PSMG2: variants seen among roughly 807,000 people sequenced by gnomAD.
PSMG2 encodes the protein proteasome assembly chaperone 2.
PSMG2 carries 21 observed loss-of-function variants against 31.5 expected under a neutral mutation model. The observed-to-expected ratio is 0.67, with a 90% confidence interval of 0.47 to 0.96. PSMG2 has a LOEUF of 0.96. PSMG2 is among the 40% of genes least tolerant of loss of function. PSMG2 has a pLI of 0.00. For missense variants in PSMG2, 318 were observed against 321.2 expected (o/e 0.99, Z 0.08); for synonymous variants, 120 against 110.4 (o/e 1.09, Z -0.54).
At chr18:12,720,476 G>GT (rs765617823) in intron 4 of PSMG2, 34 bp from the exon 5 acceptor site, 1 of 1,505,426 alleles carries the variant, frequency 6.6e-7, no homozygotes, top group South Asian at 1.3e-5. Context: ...TTGCTTTAGA[G>GT]TTTTTAAAAA....
At chr18:12,691,400 G>A (rs1459891486) in intron 1 of PSMG2, 11 of 1,607,102 alleles carry the variant, frequency 6.8e-6, no homozygotes, top group South Asian at 1.1e-5. Flanking sequence ...TGTGAGGGTC[G>A]AATTTGCAAA....
At chr18:12,706,137 C>T (rs2145132929) in intron 1 of PSMG2, among the ~76,000 whole-genome samples, 1 of 152,328 alleles carries the variant, frequency 6.6e-6, no homozygotes, top group East Asian at 1.9e-4. Flanking sequence ...ATGATGCTTT[C>T]AGTACTAATA....
intron 1 of PSMG2, chr18:12,673,347 CT>C: frequency 6.3e-7 from 1 of 1,591,432 alleles, no homozygotes; most frequent in South Asian, 1.1e-5. Flanking sequence ...AGGTATAAAT[CT>C]TATATAAATA....
At position 12,671,291 on chromosome 18, in the gene PSMG2, G is replaced by A. The variant is rs146695180; in HGVS notation, c.-37+12518G>A. On this transcript the variant is annotated intron_variant, in intron 1 of 6. Transcript: ENST00000585331. ...TTTTAGATTTTAATTTTCGAAAAAC[G>A]AAATCATTTTATTTGTAGGGGTGAA... The A allele has an allele frequency of 4.0e-3, 615 of 152,104 alleles. 5 individuals are homozygous for A. The highest frequency in any genetic ancestry group is 0.014 in the African/African-American group (587 of 41,504). 9.4% of individuals were successfully genotyped at this position (152,104 alleles called of 1,614,324 possible). A position where few individuals can be genotyped will look rare whatever the true frequency, so the allele number is the denominator to read the frequency against.
At position 12,720,650 on chromosome 18, in the gene PSMG2, G is replaced by C; in HGVS notation, c.548G>C (p.Gly183Ala). ...DDSEFCIRIP[G>A]GGITKTLYDE... ...TCCGAGTTTTGTATCCGCATTCCGG[G>C]AGGAGGTATCACAAAAACACTCTAT... Residue 183 changes from glycine (G) to alanine (A), a missense_variant, in exon 5 of 7, where the codon GGA becomes GCA. Physicochemically the swap from Gly to Ala is moderately conservative, Grantham distance 60. Coordinates refer to ENST00000317615, the MANE Select transcript of PSMG2 (RefSeq NM_020232.5). 1 of 1,612,984 alleles carries C rather than the reference G, an allele frequency of 6.2e-7. No homozygotes were observed.
At chr18:12,673,100 T>G in intron 1 of PSMG2, 5 of 1,035,964 alleles carry the variant, frequency 4.8e-6, no homozygotes, top group Non-Finnish European at 5.9e-6. Flanking sequence ...TACTGATAAC[T>G]GTAAACAAAG....
At chr18:12,705,066 CT>C (rs1013314195) in intron 1 of PSMG2, among the ~76,000 whole-genome samples, 244 of 144,252 alleles carry the variant, frequency 1.7e-3, no homozygotes, top group East Asian at 5.0e-3. Flanking sequence ...TAATATTGAA[CT>C]TTTTTTTTTT....
intron 2 of PSMG2, among the ~76,000 whole-genome samples, chr18:12,712,457 T>C (rs930441699): frequency 2.0e-5 from 3 of 152,214 alleles, no homozygotes; most frequent in African/African-American, 4.8e-5. Context: ...GAAAAATAAT[T>C]TTTTATATTT....
chr18:12,705,576 AGTGT>A lies in PSMG2; in HGVS notation c.58-949_58-946del, dbSNP rs548642491. ...GAGAGAGAGAGAGAGAGAGAGAGAG[AGTGT>A]GTGTGTGTGTGTGTGTGTGTGTGTT... On this transcript the variant is annotated intron_variant, in intron 1 of 6. Transcript: ENST00000317615. 4.0e-3 allele frequency among the ~76,000 whole-genome samples: 524 copies of A among 129,770 alleles called. 1 individual carries two copies. The highest frequency in any genetic ancestry group is 7.5e-3 in the Middle Eastern group (2 of 268). 85.1% of individuals were successfully genotyped at this position (129,770 alleles called of 152,430 possible).
At chr18:12,691,491 G>A in intron 1 of PSMG2, 1 of 1,574,946 alleles carries the variant, frequency 6.3e-7, no homozygotes, top group South Asian at 1.2e-5. Flanking sequence ...AAGCAAGCTT[G>A]AAATTGAAAA....
chr18:12,697,599 A>G (rs900951126), intron 1 of PSMG2, among the ~76,000 whole-genome samples: 1 of 152,256 alleles, frequency 6.6e-6, no homozygotes, highest in African/African-American at 2.4e-5. Flanking sequence ...AACTTTTCAG[A>G]AGACTGGCAA....
chr18:12,720,626 C>G lies in PSMG2; in HGVS notation c.524C>G (p.Ser175Cys), dbSNP rs1415933444. The G allele has an allele frequency of 6.2e-7, 1 of 1,613,938 alleles. No homozygotes were observed. The highest frequency in any genetic ancestry group is 1.7e-5 in the Admixed American group (1 of 59,960). The stretch of plus-strand genomic sequence containing the variant: ...CGGTGCATTCCTGAAATAGATGATT[C>G]CGAGTTTTGTATCCGCATTCCGGGA... ...KSRCIPEIDD[S>C]EFCIRIPGGG... Residue 175 changes from serine to cysteine, a missense_variant, in exon 5 of 7, where the codon TCC becomes TGC. Physicochemically the swap from Ser to Cys is moderately radical, Grantham distance 112 (BLOSUM62 -1). Coordinates refer to ENST00000317615, the MANE Select transcript of PSMG2 (RefSeq NM_020232.5).
intron 3 of PSMG2, among the ~76,000 whole-genome samples, chr18:12,716,948 C>CTTTTTTTT (rs56726339): frequency 1.7e-5 from 2 of 116,782 alleles, no homozygotes; most frequent in African/African-American, 6.4e-5. Context: ...TTTTCTTTTA[C>CTTTTTTTT]TTTTTTTTTT....
intron 5 of PSMG2, among the ~76,000 whole-genome samples, chr18:12,722,899 C>T (rs188651667): frequency 8.3e-4 from 126 of 152,318 alleles, no homozygotes; most frequent in African/African-American, 3.0e-3. Flanking sequence ...CGGAGCCAGC[C>T]TTCTCCAGGC....
At chr18:12,672,851 A>G in intron 1 of PSMG2, 1 of 985,350 alleles carries the variant, frequency 1.0e-6, no homozygotes. Flanking sequence ...AGTCTCAAAT[A>G]TCCCAAGGAC....
At chr18:12,690,501 G>A (rs924861800) in intron 1 of PSMG2, among the ~76,000 whole-genome samples, 2 of 151,624 alleles carry the variant, frequency 1.3e-5, no homozygotes, top group Non-Finnish European at 2.9e-5. Context: ...TGTTGCCCAG[G>A]CCGGACTGCA....
At chr18:12,673,313 A>C in intron 1 of PSMG2, 1 of 1,560,440 alleles carries the variant, frequency 6.4e-7, no homozygotes, top group South Asian at 1.2e-5. Flanking sequence ...GTAATGTACA[A>C]TGTGTAAAAT....
intron 1 of PSMG2, among the ~76,000 whole-genome samples, chr18:12,695,980 A>G (rs1352246025): frequency 6.6e-6 from 1 of 152,104 alleles, no homozygotes; most frequent in East Asian, 1.9e-4. Context: ...TTTTCAATCC[A>G]TGCCTGGATT....
At chr18:12,699,322 G>A, upstream of PSMG2, 1 of 671,532 alleles carries the variant, frequency 1.5e-6, no homozygotes, top group Non-Finnish European at 2.5e-6. Flanking sequence ...TAAAAAAAAA[G>A]CAAAAGAGTA....
Sources: gnomAD v4.1 joint callset for allele counts (sites outside exome capture counted in the v4.1 genomes callset) on GRCh38, gnomAD v4.1.1 for gene constraint, MANE v1.5 for transcripts, NCBI Gene and HGNC (gene_info 2026-07-23, HGNC 2026-07-21) for gene names.